CDH12: variants seen among roughly 807,000 people sequenced by gnomAD.
The protein encoded by CDH12 is cadherin 12, also known as cadherin-12.
CDH12 carries 41 observed loss-of-function variants against 74.1 expected under a neutral mutation model. The ratio of observed to expected loss-of-function variants is 0.55; its 90% CI spans 0.43 to 0.72. The LOEUF (loss-of-function observed/expected upper bound fraction) is 0.72. Ranked by LOEUF, CDH12 falls within the 30% of genes least tolerant of loss-of-function variation. The probability of loss-of-function intolerance (pLI) is 0.00; values close to 1 mark genes in which losing one functional copy is unlikely to be tolerated. For synonymous variants in CDH12, 399 were observed against 355.0 expected (o/e 1.12, Z -1.39); for missense variants, 945 against 977.2 (o/e 0.97, Z 0.44).
intron 1 of CDH12, among the ~76,000 whole-genome samples, chr5:22,762,184 A>G (rs966800566): frequency 5.9e-5 from 9 of 152,118 alleles, no homozygotes; most frequent in Non-Finnish European, 1.3e-4. Context: ...ACTCACATGC[A>G]TCTATGTGTA....
chr5:22,246,421 CTAAT>C (rs1238499898), intron 3 of CDH12, among the ~76,000 whole-genome samples: 1 of 152,018 alleles, frequency 6.6e-6, no homozygotes, highest in Non-Finnish European at 1.5e-5. Context: ...TTCTTAGAAA[CTAAT>C]TATTTCTAAC....
chr5:22,388,892 T>C (rs192551309), intron 3 of CDH12, among the ~76,000 whole-genome samples: 1 of 152,310 alleles, frequency 6.6e-6, no homozygotes, highest in East Asian at 1.9e-4. Context: ...TATTCAGTTT[T>C]TGCAATGCTT....
chr5:22,395,768 G>A (rs569387390), intron 3 of CDH12, among the ~76,000 whole-genome samples: 1 of 152,220 alleles, frequency 6.6e-6, no homozygotes, highest in South Asian at 2.1e-4. Flanking sequence ...GTGATATGGA[G>A]CTGTATGAAG....
chr5:22,191,774 C>G (rs1177162284), intron 4 of CDH12, among the ~76,000 whole-genome samples: 1 of 151,508 alleles, frequency 6.6e-6, no homozygotes, highest in African/African-American at 2.4e-5. Flanking sequence ...CCGTTTTAGC[C>G]GGGATGGTCT....
chr5:22,478,432 A>AG (rs1309103433), intron 2 of CDH12, among the ~76,000 whole-genome samples: 2 of 151,324 alleles, frequency 1.3e-5, no homozygotes, highest in Non-Finnish European at 2.9e-5. Context: ...AAAAAAAAAA[A>AG]AAAAAGAAAG....
Position 22,569,540 on chromosome 5 carries a change from C to T in CDH12, c.-522-64176G>A, listed in dbSNP as rs555886650. 7.9e-5 allele frequency among the ~76,000 whole-genome samples: 12 copies of T among 152,286 alleles called. 1 individual carries two copies. The South Asian group carries it at 1.5e-3, about 18-fold the overall frequency. The stretch of plus-strand genomic sequence containing the variant: ...CTTTATAGCAACACAAGAATGGTCT[C>T]GCACACCTCAAATCCTGATACTGCT... On this transcript the variant is annotated intron_variant, in intron 1 of 14. Transcript: ENST00000382254.
intron 6 of CDH12, among the ~76,000 whole-genome samples, chr5:21,860,495 T>C (rs1750987717): frequency 6.6e-6 from 1 of 152,028 alleles, no homozygotes; most frequent in Non-Finnish European, 1.5e-5. Context: ...ATGCAAATTA[T>C]TTTTACTGGA....
chr5:22,022,729 C>G (rs1045859843), intron 5 of CDH12, among the ~76,000 whole-genome samples: 1 of 152,008 alleles, frequency 6.6e-6, no homozygotes, highest in Non-Finnish European at 1.5e-5. Context: ...TTCTTGCTCA[C>G]CCTATATAAC....
At chr5:22,628,408 C>T (rs1051566148) in intron 1 of CDH12, among the ~76,000 whole-genome samples, 2 of 152,082 alleles carry the variant, frequency 1.3e-5, no homozygotes, top group Non-Finnish European at 2.9e-5. Context: ...ACTTTTGTAC[C>T]ACATGCAATA....
chr5:21,990,408 G>T (rs115717396), intron 5 of CDH12, among the ~76,000 whole-genome samples: 30 of 152,080 alleles, frequency 2.0e-4, no homozygotes, highest in African/African-American at 7.0e-4. Flanking sequence ...TTACATTTGC[G>T]TTATTGTGTA....
intron 5 of CDH12, among the ~76,000 whole-genome samples, chr5:22,017,725 A>T (rs1737688798): frequency 6.6e-6 from 1 of 151,638 alleles, no homozygotes; most frequent in East Asian, 1.9e-4. Context: ...ATCTGAGCTG[A>T]TTTAATTTTT....
intron 5 of CDH12, among the ~76,000 whole-genome samples, chr5:22,028,150 T>G (rs1738517517): frequency 6.6e-6 from 1 of 152,086 alleles, no homozygotes; most frequent in Admixed American, 6.6e-5. Context: ...AATCCTGAGC[T>G]CTAGTTTGAT....
chr5:22,666,797 T>G (rs1740647586), intron 1 of CDH12, among the ~76,000 whole-genome samples: 1 of 152,254 alleles, frequency 6.6e-6, no homozygotes, highest in African/African-American at 2.4e-5. Context: ...ATTATGTGCA[T>G]TATAGCTGTA....
rs939737499 is a variant in CDH12 at position 22,515,141 on chromosome 5, A to G, written c.-522-9777T>C. Reference sequence around the variant, plus strand: ...CAAGAAATAAATTTAAGAAAAGGATATAATACTTTTAGTGATGCAATTGTA... The same window carrying G: ...CAAGAAATAAATTTAAGAAAAGGATGTAATACTTTTAGTGATGCAATTGTA... On this transcript the variant is annotated intron_variant, in intron 1 of 14. Coordinates refer to ENST00000382254, the MANE Select transcript of CDH12 (RefSeq NM_004061.5). Among the ~76,000 whole-genome samples, 10 of 152,290 alleles carry G rather than the reference A, an allele frequency of 6.6e-5. No homozygotes were observed. The East Asian group carries it at 1.9e-3, about 29-fold the overall frequency.
chr5:22,086,811 A>T (rs1743097574), intron 4 of CDH12, among the ~76,000 whole-genome samples: 1 of 152,250 alleles, frequency 6.6e-6, no homozygotes, highest in Non-Finnish European at 1.5e-5. Flanking sequence ...CAAGAGACAG[A>T]ATCTCTCTCT....
intron 1 of CDH12, among the ~76,000 whole-genome samples, chr5:22,517,848 T>C (rs1405108390): frequency 1.3e-5 from 2 of 152,208 alleles, no homozygotes; most frequent in South Asian, 2.1e-4. Context: ...ATATATATTT[T>C]TTCCTTTCCA....
chr5:22,612,519 T>C lies in CDH12; in HGVS notation c.-522-107155A>G, dbSNP rs142680409. 2.4e-3 allele frequency among the ~76,000 whole-genome samples: 358 copies of C among 152,256 alleles called. 2 individuals are homozygous for C. The highest frequency in any genetic ancestry group is 8.2e-3 in the African/African-American group (340 of 41,572). On this transcript the variant is annotated intron_variant, in intron 1 of 14. Transcript: ENST00000382254. ...TAATTTTACTTAACAAATTTATGTC[T>C]CCCTTTTATTATTTTCTTTTTATCA...
At chr5:22,716,934 A>G (rs1235435817) in intron 1 of CDH12, among the ~76,000 whole-genome samples, 3 of 152,192 alleles carry the variant, frequency 2.0e-5, no homozygotes, top group South Asian at 2.1e-4. Flanking sequence ...GATATAAAGG[A>G]TATCATATTT....
At chr5:22,166,908 T>C (rs1281242553) in intron 4 of CDH12, among the ~76,000 whole-genome samples, 2 of 152,174 alleles carry the variant, frequency 1.3e-5, no homozygotes, top group Non-Finnish European at 2.9e-5. Flanking sequence ...CCAGTTGAAG[T>C]AATCATTTAA....
Sources: allele counts gnomAD v4.1 joint callset (sites outside exome capture counted in the v4.1 genomes callset), GRCh38; gene constraint gnomAD v4.1.1; transcripts MANE v1.5; gene names NCBI Gene and HGNC (gene_info 2026-07-23, HGNC 2026-07-21).